TBC1D14: variants seen among roughly 807,000 people sequenced by gnomAD.
TBC1D14 encodes the protein TBC1 domain family member 14, also known as TBC1 domain family, member 14.
In TBC1D14, 26 loss-of-function variants were observed where a neutral mutation model predicts 79.0. The ratio of observed to expected loss-of-function variants is 0.33; its 90% CI spans 0.24 to 0.46. The LOEUF (loss-of-function observed/expected upper bound fraction) is 0.46, where lower values mean the gene tolerates loss of function less well. Ranked by LOEUF, TBC1D14 falls within the 20% of genes least tolerant of loss-of-function variation. The pLI, the probability that TBC1D14 is intolerant of heterozygous loss-of-function variation, is 1.00. For missense variants in TBC1D14, 769 were observed against 887.6 expected, an observed-to-expected ratio of 0.87 and a Z score of 1.70; for synonymous variants, 394 against 349.9, an observed-to-expected ratio of 1.13 and a Z score of -1.40.
chr4:6,923,176 T>C (rs1724003388), intron 1 of TBC1D14, among the ~76,000 whole-genome samples, 197 bp from the exon 2 acceptor site: 1 of 152,248 alleles, frequency 6.6e-6, no homozygotes. Flanking sequence ...CCCTCCAGCC[T>C]GGGCGACAGA....
chr4:7,000,565 G>T (rs946513842), intron 6 of TBC1D14, among the ~76,000 whole-genome samples: 1 of 152,232 alleles, frequency 6.6e-6, no homozygotes, highest in African/African-American at 2.4e-5. Flanking sequence ...CAGGCTGTTG[G>T]CAGTGTGTGT....
At chr4:7,030,304 G>C in intron 13 of TBC1D14, 23 bp from the exon 14 acceptor site, 1 of 1,612,654 alleles carries the variant, frequency 6.2e-7, no homozygotes, top group Middle Eastern at 1.7e-4. Context: ...CTTAACCTCA[G>C]CTGTCTTCCC....
chr4:6,993,988 C>A (rs771480958), intron 3 of TBC1D14, among the ~76,000 whole-genome samples, 196 bp from the exon 4 acceptor site: 1 of 152,110 alleles, frequency 6.6e-6, no homozygotes, highest in Non-Finnish European at 1.5e-5. Flanking sequence ...CCAGCCTGGG[C>A]GACAGAGCGA....
intron 11 of TBC1D14, among the ~76,000 whole-genome samples, chr4:7,012,729 G>GT (rs1489428355): frequency 2.6e-5 from 4 of 152,182 alleles, no homozygotes; most frequent in Admixed American, 6.5e-5. Context: ...AGTGTTTATA[G>GT]TTTTTTGAAT....
At chr4:6,920,296 G>T (rs13149411) in intron 1 of TBC1D14, among the ~76,000 whole-genome samples, 12,574 of 151,584 alleles carry the variant, frequency 0.083, 690 homozygotes, top group South Asian at 0.15. Context: ...TCTGGAGACA[G>T]GATTGTGCCC....
intron 1 of TBC1D14, among the ~76,000 whole-genome samples, chr4:6,914,840 A>G (rs1203752873): frequency 2.0e-5 from 3 of 152,170 alleles, no homozygotes; most frequent in African/African-American, 7.2e-5. Flanking sequence ...GGAGTTTGAG[A>G]CTAGCCTGGC....
chr4:6,942,655 A>C lies in TBC1D14; in HGVS notation c.722+18544A>C, dbSNP rs200308212. ...TAGGTTTCAGATCTGGGTGTTAAACACATTTTCTGTGGTGGGAGGAGTGAG... is the reference window on the plus strand; with the variant it reads ...TAGGTTTCAGATCTGGGTGTTAAACCCATTTTCTGTGGTGGGAGGAGTGAG... On this transcript the variant is annotated intron_variant, in intron 2 of 13. Coordinates refer to ENST00000409757, the MANE Select transcript of TBC1D14 (RefSeq NM_020773.3). Among the ~76,000 whole-genome samples the C allele has an allele frequency of 1.2e-4, 19 of 152,336 alleles. No homozygotes were observed. In the East Asian group the frequency reaches 3.7e-3, roughly 29 times the overall value.
Position 6,996,342 on chromosome 4 carries a change from C to T in TBC1D14, c.980C>T (p.Pro327Leu). The change falls in exon 5 of 14, where the codon CCA becomes CTA. Residue 327 changes from proline to leucine, a missense_variant. This residue lies in a region of TBC1D14 where 367 missense variants were observed against 494.4 expected (regional missense o/e 0.74). Transcript: ENST00000409757. ...CTGTCAAGAAATCTCCCAGCAAAAC[C>T]AGCTGAAGAAGCTCAGAAGCACAGA... ...EDRPANLPAK[P>L]AEEAQKHRQQ... 1 of 1,613,612 alleles carries T rather than the reference C, an allele frequency of 6.2e-7. No individual in the cohort carries two copies. Among genetic ancestry groups the T allele is most frequent in the Non-Finnish European group, 8.5e-7 (1 of 1,179,760 alleles).
At chr4:7,014,650 G>A in intron 12 of TBC1D14, 93 bp downstream of exon 12, 1 of 853,310 alleles carries the variant, frequency 1.2e-6, no homozygotes, top group Non-Finnish European at 1.9e-6. Flanking sequence ...TGGCCCGGCT[G>A]AGTCCTCATA....
chr4:6,932,288 G>A (rs1046702731), intron 2 of TBC1D14, among the ~76,000 whole-genome samples: 1 of 151,578 alleles, frequency 6.6e-6, no homozygotes, highest in Non-Finnish European at 1.5e-5. Context: ...TGAACCATTC[G>A]GGCTTGAACC....
intron 3 of TBC1D14, among the ~76,000 whole-genome samples, chr4:6,979,346 G>A (rs1717144909): frequency 6.6e-6 from 1 of 152,176 alleles, no homozygotes; most frequent in African/African-American, 2.4e-5. Flanking sequence ...AAAAAAATGG[G>A]CTGGGTGTGT....
At chr4:6,955,488 C>T (rs1714543112) in intron 2 of TBC1D14, among the ~76,000 whole-genome samples, 2 of 152,132 alleles carry the variant, frequency 1.3e-5, no homozygotes, top group Non-Finnish European at 2.9e-5. Flanking sequence ...TAGTGCCCTG[C>T]ACCAGGTAAC....
intron 3 of TBC1D14, chr4:6,987,462 C>T: frequency 9.6e-7 from 1 of 1,044,744 alleles, no homozygotes; most frequent in South Asian, 3.0e-5. Context: ...GTGGAGGGTG[C>T]GAGTGTGCAT....
chr4:6,989,358 C>T (rs1341291660), intron 3 of TBC1D14, among the ~76,000 whole-genome samples: 1 of 152,188 alleles, frequency 6.6e-6, no homozygotes, highest in Non-Finnish European at 1.5e-5. Context: ...TTTGACTCTG[C>T]ACCATTCCCG....
intron 6 of TBC1D14, among the ~76,000 whole-genome samples, chr4:7,000,944 A>G (rs1397615718): frequency 1.3e-5 from 2 of 152,076 alleles, no homozygotes; most frequent in African/African-American, 2.4e-5. Context: ...GTGCTCCTCC[A>G]TACCTGCCAC....
chr4:6,914,494 A>G (rs1723238444), intron 1 of TBC1D14, among the ~76,000 whole-genome samples: 1 of 152,232 alleles, frequency 6.6e-6, no homozygotes, highest in African/African-American at 2.4e-5. Flanking sequence ...CTGTGTGTGT[A>G]GCAGTGGAAA....
At chr4:6,971,258 C>G (rs1716203152) in intron 3 of TBC1D14, among the ~76,000 whole-genome samples, 1 of 152,246 alleles carries the variant, frequency 6.6e-6, no homozygotes, top group African/African-American at 2.4e-5. Flanking sequence ...CTTAATTGTT[C>G]TACACTAAGG....
Position 6,945,955 on chromosome 4 carries a change from C to T in TBC1D14, c.723-21349C>T, listed in dbSNP as rs568167582. The stretch of plus-strand genomic sequence containing the variant: ...GATTTTCATTGGTTTGGGGTGAAAC[C>T]TGCGCCTCAGGATGCTTGAAAACTC... On this transcript the variant is annotated intron_variant, in intron 2 of 13. Transcript: ENST00000409757. Among the ~76,000 whole-genome samples the T allele has an allele frequency of 9.9e-5, 15 of 152,104 alleles. No homozygotes were observed. The South Asian group carries it at 3.1e-3, about 32-fold the overall frequency.
At position 7,030,611 on chromosome 4, in the gene TBC1D14, G is replaced by T. The variant is rs538735567; in HGVS notation, c.*219G>T. 2 of 480,132 alleles carry T rather than the reference G, an allele frequency of 4.2e-6. No individual in the cohort carries two copies. The highest frequency in any genetic ancestry group is 4.5e-5 in the South Asian group (2 of 44,576). The allele number at this position is 480,132 out of a possible 1,614,324, so 29.7% of individuals were successfully genotyped here. A position where few individuals can be genotyped will look rare whatever the true frequency, so the allele number is the denominator to read the frequency against. On this transcript the variant is annotated 3_prime_UTR_variant, in exon 14 of 14. Coordinates refer to ENST00000409757, the MANE Select transcript of TBC1D14 (RefSeq NM_020773.3). ...CTCAGTGGAAGGATGAGCTGCTGCG[G>T]ACCACAGCCAGCCACTGCATCTGCT...
Sources: gnomAD v4.1 joint callset for allele counts (sites outside exome capture counted in the v4.1 genomes callset) on GRCh38, gnomAD v4.1.1 for gene constraint, gnomAD v4.1.1 regional missense constraint, MANE v1.5 for transcripts, NCBI Gene and HGNC (gene_info 2026-07-23, HGNC 2026-07-21) for gene names.